Variants in XKR9 observed in about 807,000 individuals in gnomAD.
XKR9 encodes XK related 9.
XKR9 carries 32 observed loss-of-function variants against 32.0 expected under a neutral mutation model. The ratio of observed to expected loss-of-function variants is 1.00; its 90% CI spans 0.76 to 1.34. XKR9 has a LOEUF of 1.34. Among genes scored for constraint, XKR9 ranks in the 40% most tolerant of loss-of-function variants. XKR9 has a pLI of 0.00. For missense variants in XKR9, 546 were observed against 429.7 expected (o/e 1.27, Z -2.39); for synonymous variants, 168 against 143.4 (o/e 1.17, Z -1.22).
At chr8:70,762,907 C>A (rs1162674825) in intron 2 of XKR9, among the ~76,000 whole-genome samples, 1 of 152,084 alleles carries the variant, frequency 6.6e-6, no homozygotes, top group African/African-American at 2.4e-5. Flanking sequence ...GTTTTTCATC[C>A]TTTTGTTATT....
At chr8:70,953,522 G>A in the XKR9 span, among the ~76,000 whole-genome samples, 4 of 152,072 alleles carry the variant, frequency 2.6e-5, no homozygotes, top group African/African-American at 9.7e-5. Flanking sequence ...ATGTTGCCCA[G>A]GCTGGTCTTG....
chr8:70,787,498 T>C (rs1030396307), intron 2 of XKR9, among the ~76,000 whole-genome samples: 3 of 151,916 alleles, frequency 2.0e-5, no homozygotes, highest in Non-Finnish European at 4.4e-5. Context: ...CTGAGGAGAG[T>C]GAACGGGGTT....
chr8:70,745,283 C>G (rs975404511), intron 2 of XKR9, among the ~76,000 whole-genome samples: 1 of 152,022 alleles, frequency 6.6e-6, no homozygotes, highest in Non-Finnish European at 1.5e-5. Flanking sequence ...TCAGTCATGG[C>G]TTTATAAGAC....
chr8:70,937,599 T>A, the XKR9 span, among the ~76,000 whole-genome samples: 2 of 152,110 alleles, frequency 1.3e-5, no homozygotes, highest in Non-Finnish European at 2.9e-5. Context: ...ATTTTGGTAA[T>A]GCACATGAAC....
At chr8:70,996,296 G>A in the XKR9 span, among the ~76,000 whole-genome samples, 2 of 152,070 alleles carry the variant, frequency 1.3e-5, no homozygotes, top group African/African-American at 4.8e-5. Context: ...TAAAAATTAT[G>A]TAACAGCTAG....
the XKR9 span, among the ~76,000 whole-genome samples, chr8:70,813,215 G>T: frequency 6.6e-6 from 1 of 152,182 alleles, no homozygotes. Flanking sequence ...TTTAATAAAT[G>T]GTGCTGGGAA....
chr8:71,005,702 T>C, the XKR9 span, among the ~76,000 whole-genome samples: 5 of 152,322 alleles, frequency 3.3e-5, no homozygotes, highest in South Asian at 8.3e-4. Context: ...CTGTAGCTCT[T>C]ACTAGAAGGA....
chr8:70,864,019 C>G, the XKR9 span, among the ~76,000 whole-genome samples: 1 of 152,100 alleles, frequency 6.6e-6, no homozygotes, highest in African/African-American at 2.4e-5. Context: ...GCATGCAAAT[C>G]ACATAATTTG....
the XKR9 span, among the ~76,000 whole-genome samples, chr8:70,877,987 G>T: frequency 2.0e-5 from 3 of 152,206 alleles, no homozygotes; most frequent in South Asian, 4.1e-4. Flanking sequence ...TAAGCCAGAA[G>T]AGAGTGGGGG....
chr8:70,856,707 G>A, the XKR9 span, among the ~76,000 whole-genome samples: 2 of 152,078 alleles, frequency 1.3e-5, no homozygotes, highest in African/African-American at 4.8e-5. Context: ...TTCCAAAATT[G>A]ACCACATAGT....
the XKR9 span, among the ~76,000 whole-genome samples, chr8:70,930,219 A>G: frequency 1.3e-5 from 2 of 152,246 alleles, no homozygotes; most frequent in Admixed American, 6.5e-5. Context: ...TATATCTACT[A>G]AGACTTTAGC....
chr8:70,828,135 G>T, the XKR9 span, among the ~76,000 whole-genome samples: 2 of 152,190 alleles, frequency 1.3e-5, no homozygotes, highest in Non-Finnish European at 2.9e-5. Context: ...GTTTCAACTT[G>T]GCTGCCTGGC....
the XKR9 span, among the ~76,000 whole-genome samples, chr8:70,898,336 G>A: frequency 6.6e-6 from 1 of 152,234 alleles, no homozygotes; most frequent in East Asian, 1.9e-4. Context: ...AGCATAATTT[G>A]AAGTTATGTA....
At chr8:71,050,190 T>C in the XKR9 span, among the ~76,000 whole-genome samples, 2 of 149,942 alleles carry the variant, frequency 1.3e-5, no homozygotes, top group African/African-American at 4.9e-5. Flanking sequence ...AGGGTTGTTA[T>C]ATGGATTAAA....
At chr8:71,035,162 A>C in the XKR9 span, among the ~76,000 whole-genome samples, 2 of 152,212 alleles carry the variant, frequency 1.3e-5, no homozygotes, top group Non-Finnish European at 2.9e-5. Flanking sequence ...GTCATTGCCT[A>C]ACAAAAGAAT....
rs1035631120 is a variant in XKR9 at position 70,681,091 on chromosome 8, A to G, written c.33A>G (p.Ser11=). MKYTKQNFMM[S]VLGIIIYVTD... is the part of the protein sequence containing the mutation. ...ATACTAAACAGAATTTTATGATGTCAGTTCTTGGCATTATAATCTACGTAA... is the reference window on the plus strand; with the variant it reads ...ATACTAAACAGAATTTTATGATGTCGGTTCTTGGCATTATAATCTACGTAA... The change falls in exon 3 of 5, where the codon TCA becomes TCG. Residue 11 remains serine (S), a synonymous_variant. Transcript: ENST00000408926. 13 of 1,612,760 alleles carry G rather than the reference A, an allele frequency of 8.1e-6. No individual in the cohort carries two copies. Among genetic ancestry groups the G allele is most frequent in the Non-Finnish European group, 1.0e-5 (12 of 1,179,318 alleles).
chr8:70,934,336 C>T, the XKR9 span, among the ~76,000 whole-genome samples: 1 of 151,908 alleles, frequency 6.6e-6, no homozygotes, highest in Non-Finnish European at 1.5e-5. Context: ...GTTTGATGGG[C>T]TGATGTTCAT....
At chr8:70,698,341 T>A (rs1251338644) in intron 3 of XKR9, among the ~76,000 whole-genome samples, 1 of 152,184 alleles carries the variant, frequency 6.6e-6, no homozygotes, top group East Asian at 1.9e-4. Flanking sequence ...AATTTCCCTC[T>A]ACACACTGCT....
the XKR9 span, among the ~76,000 whole-genome samples, chr8:70,806,289 A>G: frequency 6.6e-6 from 1 of 152,338 alleles, no homozygotes; most frequent in East Asian, 1.9e-4. Flanking sequence ...TCGAAACTAC[A>G]CAAACTCACA....
Sources: allele counts gnomAD v4.1 joint callset (sites outside exome capture counted in the v4.1 genomes callset), GRCh38; gene constraint gnomAD v4.1.1; transcripts MANE v1.5; gene names NCBI Gene and HGNC (gene_info 2026-07-23, HGNC 2026-07-21).